CELF4: variants seen among roughly 807,000 people sequenced by gnomAD.
CELF4 encodes the protein CUGBP Elav-like family member 4.
Under a neutral mutation model 59.9 loss-of-function variants are expected in CELF4, and 18 were observed. That is an observed-to-expected ratio of 0.30 (90% CI 0.21 to 0.45). The LOEUF (loss-of-function observed/expected upper bound fraction) is 0.45, where lower values mean the gene tolerates loss of function less well. CELF4 is among the 20% of genes least tolerant of loss of function. CELF4 has a pLI of 1.00. For missense variants in CELF4, 456 were observed against 689.0 expected (o/e 0.66, Z 3.79); for synonymous variants, 261 against 267.1 (o/e 0.98, Z 0.22).
intron 2 of CELF4, among the ~76,000 whole-genome samples, chr18:37,477,197 G>C (rs891555269): frequency 7.9e-5 from 12 of 152,212 alleles, no homozygotes; most frequent in Non-Finnish European, 1.8e-4. Context: ...GTACAGGCTG[G>C]GAATCCAAGA....
At chr18:37,380,404 T>C (rs1280576064) in intron 2 of CELF4, among the ~76,000 whole-genome samples, 2 of 152,180 alleles carry the variant, frequency 1.3e-5, no homozygotes. Flanking sequence ...CTTTGCCCAA[T>C]TGCCCACTCA....
At chr18:37,364,252 C>T (rs1476172490) in intron 2 of CELF4, among the ~76,000 whole-genome samples, 1 of 152,228 alleles carries the variant, frequency 6.6e-6, no homozygotes, top group Non-Finnish European at 1.5e-5. Context: ...TCTCCCCTTA[C>T]CACCAGCTTC....
chr18:37,282,236 G>T (rs1013882622), intron 3 of CELF4, among the ~76,000 whole-genome samples: 2 of 151,742 alleles, frequency 1.3e-5, no homozygotes, highest in Non-Finnish European at 2.9e-5. Flanking sequence ...GTGTAGAGAG[G>T]ACCACCAGGG....
At chr18:37,278,856 GACA>G (rs1274351525) in intron 3 of CELF4, among the ~76,000 whole-genome samples, 1 of 152,172 alleles carries the variant, frequency 6.6e-6, no homozygotes, top group Non-Finnish European at 1.5e-5. Context: ...AGCTGAGATG[GACA>G]ACATCTCCCT....
intron 2 of CELF4, among the ~76,000 whole-genome samples, chr18:37,404,889 T>C (rs1414751112): frequency 6.6e-6 from 1 of 152,248 alleles, no homozygotes; most frequent in African/African-American, 2.4e-5. Flanking sequence ...CCTTGTCGCA[T>C]GCTTTTCCTT....
At chr18:37,383,400 T>A in intron 2 of CELF4, among the ~76,000 whole-genome samples, 1 of 152,180 alleles carries the variant, frequency 6.6e-6, no homozygotes, top group East Asian at 1.9e-4. Context: ...AAAACTTGGT[T>A]TTATACTGAA....
In CELF4 at chr18:37,320,940, T is replaced by C. The variant is rs181030652; in HGVS notation, c.448+863A>G. Among the ~76,000 whole-genome samples, 303 of 152,222 alleles carry C rather than the reference T, an allele frequency of 2.0e-3. 2 individuals are homozygous for C. The highest frequency in any genetic ancestry group is 6.9e-3 in the African/African-American group (288 of 41,530). On this transcript the variant is annotated intron_variant, in intron 3 of 12. Coordinates refer to ENST00000420428, the MANE Select transcript of CELF4 (RefSeq NM_020180.4). ...AGCTGGTGCCCGGGTAGGGGAGGCC[T>C]GATCTTGGATGCTGGATGTATTTTC...
At chr18:37,302,634 T>C (rs556667004) in intron 3 of CELF4, among the ~76,000 whole-genome samples, 4 of 152,134 alleles carry the variant, frequency 2.6e-5, no homozygotes, top group Non-Finnish European at 5.9e-5. Flanking sequence ...TGGGTGAGGA[T>C]TGACGCCTCC....
intron 3 of CELF4, among the ~76,000 whole-genome samples, chr18:37,313,237 T>C (rs545362633): frequency 4.6e-5 from 7 of 152,274 alleles, no homozygotes; most frequent in Admixed American, 3.3e-4. Flanking sequence ...CTTAGTTTCT[T>C]ATGGACTCAG....
At chr18:37,525,023 T>G (rs73947546) in intron 1 of CELF4, among the ~76,000 whole-genome samples, 1,925 of 152,292 alleles carry the variant, frequency 0.013, 44 homozygotes, top group African/African-American at 0.042. Flanking sequence ...TCCCTTCTCC[T>G]TTGTTAACCA....
chr18:37,426,605 G>T lies in CELF4; in HGVS notation c.369+58920C>A, dbSNP rs545621502. 5.6e-4 allele frequency among the ~76,000 whole-genome samples: 86 copies of T among 152,310 alleles called. No individual in the cohort carries two copies. The South Asian group carries it at 0.018, about 31-fold the overall frequency. On this transcript the variant is annotated intron_variant, in intron 2 of 12. Transcript: ENST00000420428. The stretch of plus-strand genomic sequence containing the variant: ...TTCCTAAGTGGGGTGGGCGCAGGCG[G>T]GGCTGATCGCTTCTGCACCAGCCTC...
At chr18:37,411,776 G>T (rs200173705) in intron 2 of CELF4, among the ~76,000 whole-genome samples, 1 of 152,174 alleles carries the variant, frequency 6.6e-6, no homozygotes, top group Admixed American at 6.5e-5. Flanking sequence ...GAGATGAGGC[G>T]GGCTGCATGG....
chr18:37,511,535 T>C (rs1028827817), intron 1 of CELF4, among the ~76,000 whole-genome samples: 3 of 151,832 alleles, frequency 2.0e-5, no homozygotes, highest in African/African-American at 7.3e-5. Context: ...GTGACACTCT[T>C]GGTCTAACAT....
intron 2 of CELF4, among the ~76,000 whole-genome samples, chr18:37,354,894 T>G (rs973475975): frequency 3.9e-5 from 6 of 152,256 alleles, no homozygotes; most frequent in Non-Finnish European, 5.9e-5. Flanking sequence ...AAGTAGCACT[T>G]AGGCCTCAGT....
At chr18:37,327,247 CT>C (rs2097349307) in intron 2 of CELF4, among the ~76,000 whole-genome samples, 1 of 152,210 alleles carries the variant, frequency 6.6e-6, no homozygotes, top group Admixed American at 6.5e-5. Flanking sequence ...CTGCAGGTCT[CT>C]GCTGCCTCCT....
At chr18:37,526,883 C>G (rs55908780) in intron 1 of CELF4, among the ~76,000 whole-genome samples, 68,419 of 148,688 alleles carry the variant, frequency 0.46, 16,261 homozygotes, top group East Asian at 0.78. Flanking sequence ...TATGAAAACT[C>G]GATTTGCAAG....
chr18:37,492,306 G>T (rs1173096772), intron 1 of CELF4, among the ~76,000 whole-genome samples: 1 of 152,150 alleles, frequency 6.6e-6, no homozygotes, highest in Non-Finnish European at 1.5e-5. Flanking sequence ...CTGCCATGGT[G>T]CCTGAAATCA....
At chr18:37,360,501 G>A (rs975217419) in intron 2 of CELF4, among the ~76,000 whole-genome samples, 8 of 152,134 alleles carry the variant, frequency 5.3e-5, no homozygotes, top group African/African-American at 1.9e-4. Flanking sequence ...CTCCCTTCTC[G>A]CCCTTCACAT....
Position 37,245,418 on chromosome 18 carries a change from T to C in CELF4, c.*45-221A>G, listed in dbSNP as rs1260820837. Among the ~76,000 whole-genome samples the C allele has an allele frequency of 3.3e-5, 5 of 152,160 alleles. No individual in the cohort carries two copies. The highest frequency in any genetic ancestry group is 4.8e-5 in the African/African-American group (2 of 41,432). On this transcript the variant is annotated intron_variant, in intron 12 of 12. Transcript: ENST00000420428. This position sits in a 1 kb window ranked among gnomAD's most constrained non-coding sequence, Gnocchi z 4.1. ...AAACCACTGGGAGGTCTAGTGGTGA[T>C]GGTTGTAGCTGAGGTTTCGTTGTTG...
Sources: gnomAD v4.1 joint callset for allele counts (sites outside exome capture counted in the v4.1 genomes callset) on GRCh38, gnomAD v4.1.1 for gene constraint, Gnocchi (gnomAD v3.1) non-coding constraint, MANE v1.5 for transcripts, NCBI Gene and HGNC (gene_info 2026-07-23, HGNC 2026-07-21) for gene names.